The following DNA2 variants were observed in gnomAD, a reference collection of about 807,000 sequenced individuals.
DNA2 encodes the protein DNA replication helicase/nuclease 2.
In DNA2, 101 loss-of-function variants were observed where a neutral mutation model predicts 119.1. The observed-to-expected ratio is 0.85, with a 90% CI of 0.72 to 1.00. The LOEUF (loss-of-function observed/expected upper bound fraction) is 1.00, where lower values mean the gene tolerates loss of function less well. DNA2 is among the 50% of genes least tolerant of loss of function. The pLI is 0.00. For synonymous variants in DNA2, 366 were observed against 424.4 expected (o/e 0.86, Z 1.69); for missense variants, 1,121 against 1,255.5 (o/e 0.89, Z 1.62).
intron 14 of DNA2, chr10:68,424,738 GAC>G (rs2051714037): frequency 1.3e-6 from 2 of 1,560,728 alleles, no homozygotes; most frequent in Non-Finnish European, 1.8e-6. Flanking sequence ...GTAGTTCAAG[GAC>G]ACTACAAAGG....
At chr10:68,432,103 C>G in intron 12 of DNA2, 103 bp downstream of exon 12, 8 of 1,119,524 alleles carry the variant, frequency 7.1e-6, no homozygotes, top group Non-Finnish European at 1.0e-5. Context: ...GAGTCTTGGT[C>G]TAAACATTGT....
At chr10:68,458,123 A>G (rs189260747) in intron 5 of DNA2, among the ~76,000 whole-genome samples, 10 of 152,170 alleles carry the variant, frequency 6.6e-5, no homozygotes, top group African/African-American at 2.4e-4. Context: ...CAGTGAGCAG[A>G]GATCACACCA....
At chr10:68,463,166 C>T (rs1018656570) in intron 4 of DNA2, among the ~76,000 whole-genome samples, 6 of 148,516 alleles carry the variant, frequency 4.0e-5, no homozygotes, top group African/African-American at 7.5e-5. Flanking sequence ...AAGACCTGGC[C>T]GGACGCAGTG....
At position 68,415,067 on chromosome 10, in the gene DNA2, T is replaced by C; in HGVS notation, c.3155A>G (p.His1052Arg). ...LPSREHESLC[H>R]ILGDFQRE ...TTCTCTTTGAAAGTCACCCAATATG[T>C]GGCAAAGACTTTCATGTTCTCTTGA... is the stretch of plus-strand genomic sequence containing the variant. Residue 1052 changes from histidine (H) to arginine (R), a missense_variant, in exon 21 of 21, where the codon CAC becomes CGC. His to Arg is a conservative substitution (Grantham distance 29, BLOSUM62 0). Transcript: ENST00000358410. 1 of 1,581,286 alleles carries C rather than the reference T, an allele frequency of 6.3e-7. No individual in the cohort carries two copies. The highest frequency in any genetic ancestry group is 1.2e-5 in the South Asian group (1 of 86,340).
chr10:68,436,131 G>A (rs1391046013), intron 10 of DNA2, among the ~76,000 whole-genome samples: 1 of 152,154 alleles, frequency 6.6e-6, no homozygotes, highest in African/African-American at 2.4e-5. Flanking sequence ...AATGTTCATA[G>A]CAATATTAAT....
intron 1 of DNA2, chr10:68,470,645 T>C (rs1275188160): frequency 2.3e-6 from 1 of 440,940 alleles, no homozygotes; most frequent in East Asian, 7.0e-5. Flanking sequence ...AAGTATAAAT[T>C]GGACAACATT....
intron 3 of DNA2, among the ~76,000 whole-genome samples, chr10:68,467,741 T>A (rs530558795): frequency 4.6e-5 from 7 of 152,316 alleles, no homozygotes; most frequent in African/African-American, 1.7e-4. Context: ...ATACATTTTT[T>A]AAAAGCAGTT....
intron 17 of DNA2, among the ~76,000 whole-genome samples, chr10:68,420,120 C>T (rs917528708): frequency 6.6e-6 from 1 of 152,200 alleles, no homozygotes; most frequent in East Asian, 1.9e-4. Flanking sequence ...AAAATACCTA[C>T]GAAAGCTGAT....
At chr10:68,448,868 C>T (rs1055669979) in intron 6 of DNA2, among the ~76,000 whole-genome samples, 2 of 152,104 alleles carry the variant, frequency 1.3e-5, no homozygotes, top group Non-Finnish European at 2.9e-5. Context: ...ACCTCTGCCT[C>T]CCTGGTTTGA....
intron 9 of DNA2, 42 bp from the exon 10 acceptor site, chr10:68,437,283 C>T (rs746895235): frequency 2.7e-6 from 4 of 1,472,010 alleles, no homozygotes; most frequent in Non-Finnish European, 3.7e-6. Context: ...GTTTATATTA[C>T]ATACGTAAGT....
At chr10:68,460,802 T>C (rs1246369923) in intron 4 of DNA2, among the ~76,000 whole-genome samples, 1 of 151,854 alleles carries the variant, frequency 6.6e-6, no homozygotes, top group Admixed American at 6.6e-5. Context: ...TCCCAGCTAC[T>C]CAGCAGGCTG....
At chr10:68,468,061 T>C (rs1009220579) in intron 3 of DNA2, 62 bp downstream of exon 3, 44 of 1,226,860 alleles carry the variant, frequency 3.6e-5, no homozygotes, top group Non-Finnish European at 4.8e-5. Flanking sequence ...AAATAATAAA[T>C]GTAAAAGTGC....
intron 8 of DNA2, among the ~76,000 whole-genome samples, chr10:68,444,270 G>C (rs1322597012): frequency 1.3e-5 from 2 of 151,176 alleles, no homozygotes; most frequent in East Asian, 3.9e-4. Context: ...AGCGCCTGTA[G>C]TCCCAGCTAT....
intron 9 of DNA2, among the ~76,000 whole-genome samples, chr10:68,441,335 TAA>T (rs35334686): frequency 0.13 from 16,287 of 120,924 alleles, 1,872 homozygotes; most frequent in African/African-American, 0.35. Flanking sequence ...CCCTGTCTCT[TAA>T]AAAAAAAAAA....
chr10:68,472,079 C>T (rs372871456), upstream of DNA2: 475 of 1,571,862 alleles, frequency 3.0e-4, no homozygotes, highest in African/African-American at 6.1e-3. Context: ...CTGTCCCCTG[C>T]CTTTGCTCCC....
At chr10:68,416,927 C>T (rs1427320606) in intron 19 of DNA2, 72 bp from the exon 20 acceptor site, 5 of 1,302,554 alleles carry the variant, frequency 3.8e-6, no homozygotes, top group East Asian at 2.4e-5. Flanking sequence ...CATCCCTACA[C>T]AATGGACACC....
At chr10:68,460,175 C>T (rs1335483662) in intron 4 of DNA2, among the ~76,000 whole-genome samples, 3 of 151,916 alleles carry the variant, frequency 2.0e-5, no homozygotes, top group Admixed American at 1.3e-4. Flanking sequence ...AGCGCTATCT[C>T]GGCTCATTGC....
chr10:68,459,123 G>A lies in DNA2; in HGVS notation c.700C>T (p.Pro234Ser). The stretch of plus-strand genomic sequence containing the variant: ...TCTTACAGAGAGAGCTGCATCTGAG[G>A]GAAGTCAGTCGAAGTGTTTTTATGC... ...FMHKNTSTDF[P>S]QMQLSLPSDN... Residue 234 changes from proline (P) to serine (S), a missense_variant, in exon 5 of 21, where the codon CCT becomes TCT. Coordinates refer to ENST00000358410, the MANE Select transcript of DNA2 (RefSeq NM_001080449.3). 1 of 1,599,980 alleles carries A rather than the reference G, an allele frequency of 6.3e-7. No individual in the cohort carries two copies. The highest frequency in any genetic ancestry group is 1.1e-5 in the South Asian group (1 of 88,520).
rs2051564714 is a variant in DNA2, at chr10:68,414,567, C to G, written c.*472G>C. The stretch of plus-strand genomic sequence containing the variant: ...AGTAATCAATTCATGTCATAAAAGA[C>G]TAGGTTTAGAGTGAAAACACATCTG... On this transcript the variant is annotated 3_prime_UTR_variant, in exon 21 of 21. Coordinates refer to ENST00000358410, the MANE Select transcript of DNA2 (RefSeq NM_001080449.3). 1 of 152,272 alleles carries G rather than the reference C, an allele frequency of 6.6e-6. No homozygotes were observed. Among genetic ancestry groups the G allele is most frequent in the African/African-American group, 2.4e-5 (1 of 41,398 alleles). The allele number at this position is 152,272 out of a possible 1,614,324, so 9.4% of individuals were successfully genotyped here. A position where few individuals can be genotyped will look rare whatever the true frequency, so the allele number is the denominator to read the frequency against.
Sources: gnomAD v4.1 joint callset for allele counts (sites outside exome capture counted in the v4.1 genomes callset) on GRCh38, gnomAD v4.1.1 for gene constraint, MANE v1.5 for transcripts, NCBI Gene and HGNC (gene_info 2026-07-23, HGNC 2026-07-21) for gene names.